Variants in ZFHX3 observed in about 807,000 individuals in gnomAD.
ZFHX3 encodes zinc finger homeobox protein 3.
ZFHX3 carries 42 observed loss-of-function variants against 279.1 expected under a neutral mutation model. The ratio of observed to expected loss-of-function variants is 0.15; its 90% CI spans 0.12 to 0.19. The LOEUF is 0.19. Ranked by LOEUF, ZFHX3 falls within the 10% of genes least tolerant of loss-of-function variation. The pLI is 1.00. For synonymous variants in ZFHX3, 2,293 were observed against 1,957.8 expected (o/e 1.17, Z -4.52); for missense variants, 4,981 against 4,754.0 (o/e 1.05, Z -1.40).
intron 5 of ZFHX3, among the ~76,000 whole-genome samples, chr16:73,181,461 C>T (rs1243063293): frequency 6.6e-6 from 1 of 152,242 alleles, no homozygotes; most frequent in African/African-American, 2.4e-5. Context: ...GGACCATCAC[C>T]CCAAACCACT....
At chr16:73,884,766 C>A (rs1044526641) in intron 1 of ZFHX3, among the ~76,000 whole-genome samples, 3 of 152,128 alleles carry the variant, frequency 2.0e-5, no homozygotes, top group Admixed American at 1.3e-4. Context: ...GTAAAAATGA[C>A]CCTGTTTATC....
intron 3 of ZFHX3, among the ~76,000 whole-genome samples, chr16:73,397,000 A>G (rs543029168): frequency 7.2e-5 from 11 of 152,310 alleles, no homozygotes; most frequent in Admixed American, 1.3e-4. Flanking sequence ...TGCCCCCTGC[A>G]GTGTGGAAGC....
intron 2 of ZFHX3, among the ~76,000 whole-genome samples, chr16:73,480,069 A>G (rs1184894930): frequency 1.3e-5 from 2 of 151,912 alleles, no homozygotes; most frequent in African/African-American, 2.4e-5. Flanking sequence ...CATTCTCTCA[A>G]TCTCTTTCTT....
intron 5 of ZFHX3, among the ~76,000 whole-genome samples, chr16:73,252,546 C>G (rs2013541280): frequency 6.6e-6 from 1 of 152,054 alleles, no homozygotes; most frequent in South Asian, 2.1e-4. Context: ...ATATGAGGCC[C>G]TGGTGAGATG....
At chr16:73,254,185 C>T (rs1416183340) in intron 5 of ZFHX3, among the ~76,000 whole-genome samples, 1 of 152,022 alleles carries the variant, frequency 6.6e-6, no homozygotes, top group Non-Finnish European at 1.5e-5. Context: ...TCTCATTGGC[C>T]CAGGTGAGAT....
intron 1 of ZFHX3, among the ~76,000 whole-genome samples, chr16:73,800,632 A>T (rs1308856356): frequency 6.6e-6 from 1 of 152,160 alleles, no homozygotes; most frequent in Non-Finnish European, 1.5e-5. Context: ...TAAAGTTAAA[A>T]TAATGAAACA....
chr16:73,601,013 C>CAA (rs11345378), intron 2 of ZFHX3, among the ~76,000 whole-genome samples: 2 of 145,832 alleles, frequency 1.4e-5, no homozygotes, highest in Non-Finnish European at 1.5e-5. Flanking sequence ...TTTTGTTTCT[C>CAA]AAAAAAAAAA....
intron 1 of ZFHX3, among the ~76,000 whole-genome samples, chr16:73,831,408 C>T (rs1960994346): frequency 6.6e-6 from 1 of 152,156 alleles, no homozygotes; most frequent in South Asian, 2.1e-4. Flanking sequence ...TAAGTTAGTG[C>T]TATCGTTTAT....
At chr16:73,078,652 T>TC (rs1965911475) in intron 8 of ZFHX3, among the ~76,000 whole-genome samples, 3 of 148,244 alleles carry the variant, frequency 2.0e-5, no homozygotes, top group East Asian at 3.9e-4. Flanking sequence ...CTAAAGAACT[T>TC]TTTTTTTTTT....
chr16:73,377,424 T>G (rs752229092), intron 3 of ZFHX3, among the ~76,000 whole-genome samples: 2 of 152,104 alleles, frequency 1.3e-5, no homozygotes, highest in Non-Finnish European at 2.9e-5. Context: ...AGCACAGAGA[T>G]GGACAACTAG....
intron 1 of ZFHX3, among the ~76,000 whole-genome samples, chr16:73,802,799 T>A (rs1318354790): frequency 6.6e-6 from 1 of 152,204 alleles, no homozygotes; most frequent in African/African-American, 2.4e-5. Flanking sequence ...GAGTAAATTA[T>A]CAACAAAGCA....
chr16:73,347,924 C>T lies in ZFHX3; in HGVS notation c.-1290-29588G>A, dbSNP rs112400151. On this transcript the variant is annotated intron_variant, in intron 3 of 17. Coordinates refer to the ZFHX3 transcript ENST00000641206. ...GGACATGAAGCTGATATTTTGCACA[C>T]ACAGAAAGAGTGAAAACTTTTGATA... Among the ~76,000 whole-genome samples the T allele has an allele frequency of 1.3e-3, 198 of 152,290 alleles. 2 individuals carry two copies. Among genetic ancestry groups the T allele is most frequent in the African/African-American group, 4.5e-3 (187 of 41,560 alleles).
intron 1 of ZFHX3, among the ~76,000 whole-genome samples, chr16:73,013,416 T>A (rs1322339694): frequency 6.6e-6 from 1 of 152,136 alleles, no homozygotes; most frequent in African/African-American, 2.4e-5. Flanking sequence ...GCCTCCCAAG[T>A]AACTGGGACC....
rs752001880 is a variant in ZFHX3, at chr16:73,507,485, C to CTTTTTTTTTTTT, written c.-1546-51239_-1546-51228dup. ...AAATGCGTGAAATTCAGCTCTGCCA[C>CTTTTTTTTTTTT]TTTTTTTTTTTTTTTTTTTTTTTTT... On this transcript the variant is annotated intron_variant, in intron 2 of 17. Transcript: ENST00000641206. 8.9e-4 allele frequency among the ~76,000 whole-genome samples: 71 copies of CTTTTTTTTTTTT among 79,790 alleles called. 11 individuals are homozygous for CTTTTTTTTTTTT. The highest frequency in any genetic ancestry group is 7.5e-3 in the East Asian group (13 of 1,722). 52.3% of individuals were successfully genotyped at this position (79,790 alleles called of 152,430 possible).
intron 1 of ZFHX3, among the ~76,000 whole-genome samples, chr16:73,797,145 G>A (rs1428009872): frequency 6.6e-6 from 1 of 152,146 alleles, no homozygotes; most frequent in African/African-American, 2.4e-5. Context: ...AGAGGTGGCA[G>A]TGAGCCAAGA....
exon 3 of ZFHX3, chr16:73,456,036 C>T (rs560988816): frequency 1.3e-5 from 2 of 152,086 alleles, no homozygotes; most frequent in South Asian, 2.1e-4. Context: ...TCCTCCAGTC[C>T]TGGAGACCAT....
chr16:73,665,466 G>A (rs916138111), intron 2 of ZFHX3, among the ~76,000 whole-genome samples: 2 of 151,456 alleles, frequency 1.3e-5, no homozygotes, highest in Admixed American at 6.6e-5. Flanking sequence ...CACCCACCTC[G>A]GCCTCCCAAA....
chr16:73,042,623 G>A (rs962093396), intron 1 of ZFHX3, among the ~76,000 whole-genome samples: 1 of 152,030 alleles, frequency 6.6e-6, no homozygotes, highest in Non-Finnish European at 1.5e-5. Flanking sequence ...CATCTACACA[G>A]AACAGCGGGT....
At chr16:73,293,931 T>G (rs2014836488) in intron 4 of ZFHX3, 1 of 137,146 alleles carries the variant, frequency 7.3e-6, no homozygotes, top group Non-Finnish European at 1.5e-5. Context: ...TTGATCAGAT[T>G]CAACGCTCAC....
Sources: gnomAD v4.1 joint callset for allele counts (sites outside exome capture counted in the v4.1 genomes callset) on GRCh38, gnomAD v4.1.1 for gene constraint, MANE v1.5 for transcripts, NCBI Gene and HGNC (gene_info 2026-07-23, HGNC 2026-07-21) for gene names.